The following ALPK2 variants were observed in gnomAD, a reference collection of about 807,000 sequenced individuals.
ALPK2 encodes the protein alpha kinase 2.
ALPK2 carries 127 observed loss-of-function variants against 163.1 expected under a neutral mutation model. The observed-to-expected ratio is 0.78, with a 90% confidence interval of 0.67 to 0.90. The LOEUF is 0.90. Among genes scored for constraint, ALPK2 ranks in the 40% least tolerant of loss-of-function variants. The pLI is 0.00. For missense variants in ALPK2, 2,360 were observed against 2,589.6 expected (o/e 0.91, Z 1.92); for synonymous variants, 953 against 959.1 (o/e 0.99, Z 0.12).
intron 4 of ALPK2, among the ~76,000 whole-genome samples, chr18:58,559,032 A>T (rs1366491963): frequency 6.6e-6 from 1 of 152,268 alleles, no homozygotes; most frequent in Non-Finnish European, 1.5e-5. Context: ...TTGTGATTGT[A>T]CTTACAAAAA....
intron 12 of ALPK2, among the ~76,000 whole-genome samples, chr18:58,482,330 T>C (rs975991279): frequency 1.3e-5 from 2 of 152,192 alleles, no homozygotes; most frequent in East Asian, 1.9e-4. Flanking sequence ...TTTATTGCCC[T>C]GTTCCTCATA....
chr18:58,616,877 C>G (rs1372710919), intron 1 of ALPK2, among the ~76,000 whole-genome samples: 1 of 152,138 alleles, frequency 6.6e-6, no homozygotes, highest in Non-Finnish European at 1.5e-5. Flanking sequence ...GTTCCAGAAG[C>G]CTTGACTTGC....
intron 4 of ALPK2, among the ~76,000 whole-genome samples, chr18:58,553,232 T>C (rs1433762881): frequency 6.6e-6 from 1 of 152,172 alleles, no homozygotes; most frequent in Non-Finnish European, 1.5e-5. Context: ...TGTCTGATGC[T>C]TGAAGGCACC....
At chr18:58,521,650 A>ATTTTTTTTTTTTTTTTTTTT in intron 8 of ALPK2, among the ~76,000 whole-genome samples, 1 of 17,712 alleles carries the variant, frequency 5.6e-5, no homozygotes. Context: ...TTTTTTTGAG[A>ATTTTTTTTTTTTTTTTTTTT]TGGAGTCTTG....
chr18:58,592,092 C>T (rs931695061), intron 3 of ALPK2, among the ~76,000 whole-genome samples: 1 of 152,184 alleles, frequency 6.6e-6, no homozygotes, highest in Non-Finnish European at 1.5e-5. Context: ...GGATGAGGAG[C>T]AAATGTTCTT....
chr18:58,565,335 TAA>T (rs899168640), intron 4 of ALPK2, among the ~76,000 whole-genome samples: 2 of 119,202 alleles, frequency 1.7e-5, no homozygotes, highest in African/African-American at 5.6e-5. Flanking sequence ...AAGAGATTTT[TAA>T]AGAGATTTTG....
At position 58,499,681 on chromosome 18, in the gene ALPK2, T is replaced by C. The variant is rs574702998; in HGVS notation, c.6248-1584A>G. On this transcript the variant is annotated intron_variant, in intron 11 of 12. Coordinates refer to ENST00000361673, the MANE Select transcript of ALPK2 (RefSeq NM_052947.4). ...CCCATAGTGCCACCCCACCAGTGTG[T>C]CTGCACCTGCTAGATGCCTGGGTCC... Among the ~76,000 whole-genome samples the C allele has an allele frequency of 2.6e-5, 4 of 152,346 alleles. No homozygotes were observed. In the East Asian group the frequency reaches 7.7e-4, roughly 29 times the overall value.
chr18:58,605,984 A>C (rs1345437684), intron 3 of ALPK2, among the ~76,000 whole-genome samples: 3 of 152,278 alleles, frequency 2.0e-5, no homozygotes, highest in Non-Finnish European at 4.4e-5. Context: ...AGAATAGATG[A>C]GTAATGGGTA....
chr18:58,509,481 C>A (rs1383409992), intron 10 of ALPK2, among the ~76,000 whole-genome samples: 3 of 152,126 alleles, frequency 2.0e-5, no homozygotes, highest in African/African-American at 7.2e-5. Context: ...AATGGTTGAA[C>A]TAGTTTATAG....
At chr18:58,516,370 T>C (rs1380965799) in intron 9 of ALPK2, among the ~76,000 whole-genome samples, 1 of 152,224 alleles carries the variant, frequency 6.6e-6, no homozygotes, top group Non-Finnish European at 1.5e-5. Flanking sequence ...GGAACTCAGC[T>C]AGAGACTTGG....
chr18:58,516,071 T>C (rs890226190), intron 9 of ALPK2, among the ~76,000 whole-genome samples: 20 of 151,804 alleles, frequency 1.3e-4, no homozygotes, highest in Admixed American at 1.3e-3. Context: ...AAATAAAAAT[T>C]AGTTGGGCGT....
At chr18:58,483,474 G>A (rs1227844486) in intron 12 of ALPK2, among the ~76,000 whole-genome samples, 2 of 152,130 alleles carry the variant, frequency 1.3e-5, no homozygotes, top group African/African-American at 4.8e-5. Context: ...TCTGCCTGCA[G>A]TATTCCCCCT....
chr18:58,537,485 G>A lies in ALPK2; in HGVS notation c.2702C>T (p.Thr901Ile). Reference protein sequence around the residue: ...TSTFTLNISHTASEGATGENL... With the variant: ...TSTFTLNISHIASEGATGENL... ...TTCTCCTGTGGCACCTTCACTAGCT[G>A]TGTGTGAAATGTTCAAGGTGAAAGT... The change falls in exon 5 of 13, where the codon ACA becomes ATA. Residue 901 changes from threonine to isoleucine, a missense_variant. Coordinates refer to ENST00000361673, the MANE Select transcript of ALPK2 (RefSeq NM_052947.4). The A allele has an allele frequency of 1.2e-6, 2 of 1,611,968 alleles. No individual in the cohort carries two copies. Among genetic ancestry groups the A allele is most frequent in the Non-Finnish European group, 1.7e-6 (2 of 1,178,470 alleles).
intron 3 of ALPK2, among the ~76,000 whole-genome samples, chr18:58,600,025 A>ATTT (rs1568097627): frequency 1.2e-5 from 1 of 82,896 alleles, no homozygotes; most frequent in African/African-American, 4.7e-5. Flanking sequence ...CAATGGGGAT[A>ATTT]TCTTTTTTTT....
chr18:58,500,960 G>T (rs1299363120), intron 11 of ALPK2, among the ~76,000 whole-genome samples: 1 of 152,134 alleles, frequency 6.6e-6, no homozygotes, highest in East Asian at 1.9e-4. Context: ...AATGCAGCCA[G>T]GAAGAATTAA....
At chr18:58,482,526 C>G (rs749331527) in intron 12 of ALPK2, among the ~76,000 whole-genome samples, 12 of 151,990 alleles carry the variant, frequency 7.9e-5, no homozygotes, top group Non-Finnish European at 1.6e-4. Flanking sequence ...TGAGACTACC[C>G]CAAGAAAACA....
At chr18:58,531,595 G>A (rs2051614312) in intron 5 of ALPK2, among the ~76,000 whole-genome samples, 1 of 142,590 alleles carries the variant, frequency 7.0e-6, no homozygotes, top group Non-Finnish European at 1.5e-5. Flanking sequence ...GATTCTTAAA[G>A]GAATTGGCCC....
chr18:58,577,918 A>C (rs1369851594), intron 4 of ALPK2: 1 of 152,220 alleles, frequency 6.6e-6, no homozygotes, highest in Non-Finnish European at 1.5e-5. Context: ...GGGGAATACA[A>C]AGTATAGTAA....
chr18:58,579,836 T>A lies in ALPK2; in HGVS notation c.940A>T (p.Ile314Leu). 1 of 1,614,196 alleles carries A rather than the reference T, an allele frequency of 6.2e-7. No individual in the cohort carries two copies. Among genetic ancestry groups the A allele is most frequent in the Admixed American group, 1.7e-5 (1 of 60,028 alleles). The change falls in exon 4 of 13, where the codon ATA becomes TTA. Residue 314 changes from isoleucine to leucine, a missense_variant. Physicochemically the swap from Ile to Leu is conservative, Grantham distance 5. Coordinates refer to ENST00000361673, the MANE Select transcript of ALPK2 (RefSeq NM_052947.4). ...AACTCCTCGGTGTAGGTTAGGGTTATCTCTGGGCAAAGTTCATAGTCACTG... is the reference window on the plus strand; with the variant it reads ...AACTCCTCGGTGTAGGTTAGGGTTAACTCTGGGCAAAGTTCATAGTCACTG... ...SDSDYELCPE[I>L]TLTYTEEFSD...
Sources: allele counts gnomAD v4.1 joint callset (sites outside exome capture counted in the v4.1 genomes callset), GRCh38; gene constraint gnomAD v4.1.1; transcripts MANE v1.5; gene names NCBI Gene and HGNC (gene_info 2026-07-23, HGNC 2026-07-21).